Variants in PAX5 observed in about 807,000 individuals in gnomAD.
The protein encoded by PAX5 is paired box protein Pax-5.
A neutral mutation model predicts 43.7 loss-of-function variants in PAX5; 9 were observed. The ratio of observed to expected loss-of-function variants is 0.21; its 90% CI spans 0.12 to 0.36. PAX5 has a LOEUF of 0.36. PAX5 is among the 10% of genes least tolerant of loss of function. The probability of loss-of-function intolerance (pLI) is 1.00; values close to 1 mark genes in which losing one functional copy is unlikely to be tolerated. For synonymous variants in PAX5, 228 were observed against 214.3 expected, an observed-to-expected ratio of 1.06 and a Z score of -0.56; for missense variants, 383 against 532.7, an observed-to-expected ratio of 0.72 and a Z score of 2.77.
At position 37,023,774 on chromosome 9, in the gene PAX5, A is replaced by C. The variant is rs147836080; in HGVS notation, c.47-2973T>G. The stretch of plus-strand genomic sequence containing the variant: ...TCCAGGACCCCCACAAGATCATTAA[A>C]ATTTTTCCTAGATGCACCAGAAAGA... On this transcript the variant is annotated intron_variant, in intron 1 of 9. Transcript: ENST00000358127. Among the ~76,000 whole-genome samples the C allele has an allele frequency of 5.1e-3, 774 of 152,254 alleles. 6 individuals carry two copies. Among genetic ancestry groups the C allele is most frequent in the African/African-American group, 0.017 (716 of 41,540 alleles).
chr9:37,025,685 G>GTAAAT, intron 1 of PAX5, among the ~76,000 whole-genome samples: 1 of 152,226 alleles, frequency 6.6e-6, no homozygotes, highest in East Asian at 1.9e-4. Context: ...GTGGTAATGG[G>GTAAAT]TGAATTGGCA....
At chr9:36,945,602 A>C (rs1832426871) in intron 6 of PAX5, among the ~76,000 whole-genome samples, 1 of 152,228 alleles carries the variant, frequency 6.6e-6, no homozygotes, top group African/African-American at 2.4e-5. Flanking sequence ...GGGCATTGCT[A>C]TTTATAGATC....
At position 37,012,504 on chromosome 9, in the gene PAX5, C is replaced by T. The variant is rs151262841; in HGVS notation, c.410+2493G>A. Reference sequence around the variant, plus strand: ...ATGGCTTTGGACTGGACACTCAGGACGCCCCTGAGGCTAGCCATGGCCCTA... The same window carrying T: ...ATGGCTTTGGACTGGACACTCAGGATGCCCCTGAGGCTAGCCATGGCCCTA... On this transcript the variant is annotated intron_variant, in intron 3 of 9. Coordinates refer to ENST00000358127, the MANE Select transcript of PAX5 (RefSeq NM_016734.3). 9.4e-3 allele frequency among the ~76,000 whole-genome samples: 1,432 copies of T among 152,270 alleles called. 21 individuals are homozygous for T. The highest frequency in any genetic ancestry group is 0.026 in the South Asian group (127 of 4,824).
At chr9:36,874,158 C>T (rs1285539830) in intron 8 of PAX5, among the ~76,000 whole-genome samples, 2 of 152,168 alleles carry the variant, frequency 1.3e-5, no homozygotes, top group African/African-American at 2.4e-5. Flanking sequence ...GCGGTGTCTC[C>T]GTAACTACAC....
intron 7 of PAX5, among the ~76,000 whole-genome samples, chr9:36,906,438 G>A (rs1244813716): frequency 6.6e-6 from 1 of 152,152 alleles, no homozygotes; most frequent in Non-Finnish European, 1.5e-5. Flanking sequence ...ATGAGCCAAG[G>A]AATTTGTGTG....
chr9:37,020,911 G>A, intron 1 of PAX5, 110 bp from the exon 2 acceptor site: 1 of 1,172,558 alleles, frequency 8.5e-7, no homozygotes, highest in South Asian at 1.5e-5. Context: ...ATGGCCGGCA[G>A]GCTGGATGTC....
chr9:36,959,135 G>A lies in PAX5; in HGVS notation c.780+7414C>T, dbSNP rs546771489. 1.2e-4 allele frequency among the ~76,000 whole-genome samples: 18 copies of A among 152,258 alleles called. 1 individual carries two copies. The highest frequency in any genetic ancestry group is 8.3e-4 in the South Asian group (4 of 4,818). On this transcript the variant is annotated intron_variant, in intron 6 of 9. Transcript: ENST00000358127. ...GGAACTGCCCTTCAGTGCCCCTTCCGGTGCTTCAGTGTAAAAGATCTTCTC... is the reference window on the plus strand; with the variant it reads ...GGAACTGCCCTTCAGTGCCCCTTCCAGTGCTTCAGTGTAAAAGATCTTCTC...
intron 7 of PAX5, among the ~76,000 whole-genome samples, chr9:36,891,397 G>C (rs949722260): frequency 6.6e-6 from 1 of 152,236 alleles, no homozygotes; most frequent in Non-Finnish European, 1.5e-5. Context: ...CTACGCACAC[G>C]TCGGTGCGTG....
chr9:36,847,036 G>GT lies in PAX5; in HGVS notation c.1013-108dup, dbSNP rs1468497622. On this transcript the variant is annotated intron_variant, in intron 8 of 9. Transcript: ENST00000358127. ...GTTGCCAATGGCATTTGCCTCTTCCGTGAGTTGCAGGCGCTTTTGTAACCA... is the reference window on the plus strand; with the variant it reads ...GTTGCCAATGGCATTTGCCTCTTCCGTTGAGTTGCAGGCGCTTTTGTAACCA... The GT allele has an allele frequency of 4.2e-6, 3 of 707,494 alleles. No homozygotes were observed. In the African/African-American group the frequency reaches 5.3e-5, roughly 13 times the overall value. 43.8% of individuals were successfully genotyped at this position (707,494 alleles called of 1,614,324 possible).
chr9:36,839,515 A>T lies in PAX5; in HGVS notation c.*1045T>A, dbSNP rs991172372. The stretch of plus-strand genomic sequence containing the variant: ...CTCTGTGTTAATTATTGTCTACATC[A>T]CCGGAACAGGCTTGCCCAGAATCCA... On this transcript the variant is annotated 3_prime_UTR_variant, in exon 10 of 10. Coordinates refer to ENST00000358127, the MANE Select transcript of PAX5 (RefSeq NM_016734.3). 4.3e-6 allele frequency: 1 copy of T among 233,258 alleles called. No homozygotes were observed. Among genetic ancestry groups the T allele is most frequent in the African/African-American group, 2.2e-5 (1 of 45,350 alleles). 14.4% of individuals were successfully genotyped at this position (233,258 alleles called of 1,614,324 possible). A position where few individuals can be genotyped will look rare whatever the true frequency, so the allele number is the denominator to read the frequency against.
intron 2 of PAX5, among the ~76,000 whole-genome samples, chr9:37,017,186 C>T (rs1187389246): frequency 6.6e-6 from 1 of 152,224 alleles, no homozygotes; most frequent in Non-Finnish European, 1.5e-5. Flanking sequence ...TATAATACAA[C>T]TCACTATAAT....
rs1019279131 is a variant in PAX5 at position 36,836,817 on chromosome 9, C to T, written c.*3743G>A. ...TGGGGGACAGCACATGACCTTGGCACCTGGACCCCTGGAGTCAGGGCTGGA... is the reference window on the plus strand; with the variant it reads ...TGGGGGACAGCACATGACCTTGGCATCTGGACCCCTGGAGTCAGGGCTGGA... On this transcript the variant is annotated 3_prime_UTR_variant, in exon 10 of 10. Coordinates refer to ENST00000358127, the MANE Select transcript of PAX5 (RefSeq NM_016734.3). 1.7e-5 allele frequency: 4 copies of T among 232,002 alleles called. No individual in the cohort carries two copies. The highest frequency in any genetic ancestry group is 3.4e-5 in the Non-Finnish European group (4 of 117,372). 14.4% of individuals were successfully genotyped at this position (232,002 alleles called of 1,614,324 possible).
intron 7 of PAX5, among the ~76,000 whole-genome samples, chr9:36,909,884 C>T (rs10814474): frequency 0.25 from 34,931 of 137,832 alleles, 4,781 homozygotes; most frequent in East Asian, 0.51. Context: ...TGCAGTGGCA[C>T]GATCATGGCT....
chr9:37,019,532 T>G (rs1361502975), intron 2 of PAX5, among the ~76,000 whole-genome samples: 1 of 152,222 alleles, frequency 6.6e-6, no homozygotes, highest in Non-Finnish European at 1.5e-5. Context: ...TAGAAGCTGT[T>G]GCTCCTTCCA....
chr9:36,913,791 A>G (rs1348294133), intron 7 of PAX5, among the ~76,000 whole-genome samples: 1 of 152,220 alleles, frequency 6.6e-6, no homozygotes, highest in Non-Finnish European at 1.5e-5. Context: ...GACCCCAGGT[A>G]GAGCCCTGGG....
At chr9:36,878,492 A>C (rs1417105835) in intron 8 of PAX5, among the ~76,000 whole-genome samples, 1 of 152,176 alleles carries the variant, frequency 6.6e-6, no homozygotes, top group Non-Finnish European at 1.5e-5. Context: ...TCAGCCCTGA[A>C]GGGTGTTGCT....
chr9:36,942,889 G>C (rs536953991), intron 6 of PAX5, among the ~76,000 whole-genome samples: 2 of 152,186 alleles, frequency 1.3e-5, no homozygotes, highest in African/African-American at 2.4e-5. Flanking sequence ...CCTGGTGGCC[G>C]GGCAACGGCC....
intron 8 of PAX5, among the ~76,000 whole-genome samples, chr9:36,876,675 T>C (rs1466650726): frequency 6.6e-6 from 1 of 152,210 alleles, no homozygotes; most frequent in Admixed American, 6.5e-5. Context: ...TGGGACTTGA[T>C]GGAAATAAAA....
chr9:36,956,631 C>T (rs917733166), intron 6 of PAX5, among the ~76,000 whole-genome samples: 1 of 152,254 alleles, frequency 6.6e-6, no homozygotes, highest in Admixed American at 6.5e-5. Flanking sequence ...TACTGGGGAG[C>T]TGTCCTTGTG....
Sources: allele counts gnomAD v4.1 joint callset (sites outside exome capture counted in the v4.1 genomes callset), GRCh38; gene constraint gnomAD v4.1.1; transcripts MANE v1.5; gene names NCBI Gene and HGNC (gene_info 2026-07-23, HGNC 2026-07-21).